Variants in MROH1 observed in about 807,000 individuals in gnomAD.
The protein encoded by MROH1 is maestro heat-like repeat-containing protein family member 1.
Under a neutral mutation model 116.5 loss-of-function variants are expected in MROH1, and 117 were observed. That is an observed-to-expected ratio of 1.00 (90% CI 0.86 to 1.17). The LOEUF (loss-of-function observed/expected upper bound fraction) is 1.17. Among genes scored for constraint, MROH1 ranks in the 50% most tolerant of loss-of-function variants. MROH1 has a pLI of 0.00. For synonymous variants in MROH1, 921 were observed against 583.9 expected (o/e 1.58, Z -8.32); for missense variants, 1,873 against 1,338.5 (o/e 1.40, Z -6.23).
chr8:144,183,783 G>T (rs1826274121), intron 7 of MROH1, among the ~76,000 whole-genome samples: 1 of 152,036 alleles, frequency 6.6e-6, no homozygotes, highest in Non-Finnish European at 1.5e-5. Context: ...GAGTAGCTGG[G>T]ACTACAGGCG....
chr8:144,215,816 T>C (rs867378889), intron 12 of MROH1, among the ~76,000 whole-genome samples: 2 of 147,384 alleles, frequency 1.4e-5, no homozygotes, highest in South Asian at 4.3e-4. Flanking sequence ...GAGCTTGCAG[T>C]GAGCCAAGAT....
intron 22 of MROH1, 136 bp downstream of exon 22, chr8:144,241,653 C>T (rs888500000): frequency 5.9e-5 from 43 of 732,348 alleles, no homozygotes; most frequent in Non-Finnish European, 1.0e-4. Flanking sequence ...GCATTCCTTC[C>T]ATGGGCAGGA....
intron 1 of MROH1, among the ~76,000 whole-genome samples, chr8:144,157,661 TTTTC>T (rs1240790698): frequency 7.3e-5 from 11 of 151,268 alleles, no homozygotes; most frequent in African/African-American, 1.5e-4. Context: ...GCCTATTTCT[TTTTC>T]TTTCTTTCTT....
chr8:144,213,182 G>A lies in MROH1; in HGVS notation c.1142-7418G>A, dbSNP rs12114254. On this transcript the variant is annotated intron_variant, in intron 12 of 43. Transcript: ENST00000326134. Reference sequence around the variant, plus strand: ...TCTGCCTTCTTGGTGTTGGTTCTGCGGGCGACTGCCCATGTGGCCCTCAGC... The same window carrying A: ...TCTGCCTTCTTGGTGTTGGTTCTGCAGGCGACTGCCCATGTGGCCCTCAGC... The A allele has an allele frequency of 0.053, 38,571 of 727,818 alleles. 2,458 individuals are homozygous for A. Among genetic ancestry groups the A allele is most frequent in the African/African-American group, 0.24 (13,886 of 58,420 alleles). 45.1% of individuals were successfully genotyped at this position (727,818 alleles called of 1,614,324 possible).
chr8:144,191,299 A>G (rs942856369), intron 8 of MROH1, among the ~76,000 whole-genome samples: 1 of 152,046 alleles, frequency 6.6e-6, no homozygotes, highest in Non-Finnish European at 1.5e-5. Flanking sequence ...CGAACTCCTG[A>G]CCTCAGGCGA....
chr8:144,255,365 C>A, intron 34 of MROH1, 144 bp from the exon 35 acceptor site: 1 of 664,172 alleles, frequency 1.5e-6, no homozygotes, highest in South Asian at 1.7e-5. Flanking sequence ...CAGTGGTGCG[C>A]CTCGCCCTTC....
chr8:144,156,579 T>C (rs999927757), intron 1 of MROH1, among the ~76,000 whole-genome samples: 10 of 150,642 alleles, frequency 6.6e-5, no homozygotes, highest in Admixed American at 1.3e-4. Context: ...CGTGATGGTG[T>C]GTGCCTGTAG....
intron 34 of MROH1, among the ~76,000 whole-genome samples, chr8:144,255,215 T>G (rs1843501817): frequency 6.6e-6 from 1 of 152,234 alleles, no homozygotes; most frequent in African/African-American, 2.4e-5. Context: ...TGGCAGTGTT[T>G]TAAGCAGTAA....
chr8:144,259,037 G>T (rs1471369520), intron 36 of MROH1, 123 bp downstream of exon 36: 2 of 643,468 alleles, frequency 3.1e-6, no homozygotes, highest in Admixed American at 2.2e-5. Context: ...CTGGGCTCCT[G>T]CCTGTTCACT....
intron 4 of MROH1, among the ~76,000 whole-genome samples, chr8:144,171,024 G>C (rs554451394): frequency 3.9e-5 from 6 of 152,282 alleles, no homozygotes; most frequent in African/African-American, 1.2e-4. Context: ...GTGACCAAAT[G>C]GGGGGGATTT....
At chr8:144,174,630 C>T (rs548489141) in intron 4 of MROH1, among the ~76,000 whole-genome samples, 1 of 152,094 alleles carries the variant, frequency 6.6e-6, no homozygotes, top group Admixed American at 6.6e-5. Context: ...ACCACAGGCG[C>T]ACCACCACAC....
intron 7 of MROH1, among the ~76,000 whole-genome samples, chr8:144,185,378 A>G (rs1244437291): frequency 2.0e-5 from 3 of 152,070 alleles, no homozygotes; most frequent in Non-Finnish European, 4.4e-5. Context: ...CAGTTGGCAA[A>G]ACGTTATGTT....
chr8:144,232,149 T>G (rs1273885827), intron 14 of MROH1, among the ~76,000 whole-genome samples: 1 of 152,144 alleles, frequency 6.6e-6, no homozygotes, highest in Admixed American at 6.6e-5. Context: ...TACTAGGTCT[T>G]TTTTCTGAAT....
At chr8:144,220,372 G>A (rs1457152190) in intron 12 of MROH1, among the ~76,000 whole-genome samples, 1 of 152,168 alleles carries the variant, frequency 6.6e-6, no homozygotes, top group Admixed American at 6.5e-5. Context: ...ATTCTTCTAC[G>A]ACCGACCGCC....
chr8:144,170,050 C>G (rs1258508214), intron 4 of MROH1, among the ~76,000 whole-genome samples: 3 of 152,190 alleles, frequency 2.0e-5, no homozygotes, highest in East Asian at 3.8e-4. Flanking sequence ...CCATGTTGGT[C>G]TCGAACTCCT....
chr8:144,249,813 C>T (rs942344596), intron 32 of MROH1, among the ~76,000 whole-genome samples: 55 of 152,332 alleles, frequency 3.6e-4, no homozygotes, highest in African/African-American at 1.1e-3. Flanking sequence ...GCAGGAGTGC[C>T]GTTGGCAGCT....
At position 144,163,312 on chromosome 8, in the gene MROH1, G is replaced by A. The variant is rs557692860; in HGVS notation, c.-56-459G>A. ...TGACACAAGACTTGAATGTGTGTCC[G>A]TGGTGAAGAGGCAGAGGGAACTTGG... is the stretch of plus-strand genomic sequence containing the variant. On this transcript the variant is annotated intron_variant, in intron 2 of 43. Coordinates refer to ENST00000326134, the MANE Select transcript of MROH1 (RefSeq NM_032450.3). This position sits in a 1 kb window ranked among gnomAD's most constrained non-coding sequence, Gnocchi z 4.4. 5.9e-5 allele frequency among the ~76,000 whole-genome samples: 9 copies of A among 152,224 alleles called. No homozygotes were observed. The highest frequency in any genetic ancestry group is 3.8e-4 in the East Asian group (2 of 5,206).
intron 14 of MROH1, among the ~76,000 whole-genome samples, chr8:144,237,295 T>C (rs966198377): frequency 3.3e-5 from 5 of 152,210 alleles, no homozygotes; most frequent in Non-Finnish European, 4.4e-5. Context: ...CAGTCCCTGT[T>C]GCTGGCCTTG....
At chr8:144,199,064 C>A in intron 10 of MROH1, 58 bp from the exon 11 acceptor site, 3 of 1,528,704 alleles carry the variant, frequency 2.0e-6, no homozygotes, top group Middle Eastern at 1.7e-4. Flanking sequence ...TGTCAGAGGG[C>A]GGGAATCCTT....
Sources: gnomAD v4.1 joint callset for allele counts (sites outside exome capture counted in the v4.1 genomes callset) on GRCh38, gnomAD v4.1.1 for gene constraint, Gnocchi (gnomAD v3.1) non-coding constraint, MANE v1.5 for transcripts, NCBI Gene and HGNC (gene_info 2026-07-23, HGNC 2026-07-21) for gene names.